The following CNTN5 variants were observed in gnomAD, a reference collection of about 807,000 sequenced individuals.
CNTN5 encodes contactin 5, also known as contactin-5.
In CNTN5, 77 loss-of-function variants were observed where a neutral mutation model predicts 129.1. The ratio of observed to expected loss-of-function variants is 0.60; its 90% CI spans 0.50 to 0.72. The LOEUF is 0.72. Ranked by LOEUF, CNTN5 falls within the 30% of genes least tolerant of loss-of-function variation. The pLI is 0.00. For synonymous variants in CNTN5, 509 were observed against 465.6 expected (o/e 1.09, Z -1.20); for missense variants, 1,478 against 1,328.8 (o/e 1.11, Z -1.75).
intron 1 of CNTN5, among the ~76,000 whole-genome samples, chr11:99,306,154 C>T (rs1864865940): frequency 6.6e-6 from 1 of 152,008 alleles, no homozygotes; most frequent in Non-Finnish European, 1.5e-5. Flanking sequence ...GAGAGCTGTC[C>T]TTTAGGACTT....
chr11:100,244,790 A>G (rs10894657), intron 16 of CNTN5, among the ~76,000 whole-genome samples: 33,188 of 152,032 alleles, frequency 0.22, 4,456 homozygotes, highest in East Asian at 0.63. Flanking sequence ...ATTTTACTGC[A>G]TATTTTGTTT....
At chr11:100,250,976 C>G (rs192350825) in intron 16 of CNTN5, among the ~76,000 whole-genome samples, 1 of 152,174 alleles carries the variant, frequency 6.6e-6, no homozygotes, top group African/African-American at 2.4e-5. Context: ...GGGAATGAAA[C>G]AGAATAAATG....
intron 2 of CNTN5, among the ~76,000 whole-genome samples, chr11:99,424,644 G>C (rs945101586): frequency 6.6e-6 from 1 of 152,250 alleles, no homozygotes; most frequent in Non-Finnish European, 1.5e-5. Flanking sequence ...CCACAAGCTT[G>C]GAGATGCCAG....
chr11:99,432,409 C>T (rs1264015191), intron 2 of CNTN5, among the ~76,000 whole-genome samples: 2 of 151,808 alleles, frequency 1.3e-5, no homozygotes, highest in Non-Finnish European at 2.9e-5. Flanking sequence ...AGTTGGGGCT[C>T]TGTTTCTTTC....
At chr11:99,201,064 G>A (rs1042693522) in intron 1 of CNTN5, among the ~76,000 whole-genome samples, 17 of 107,078 alleles carry the variant, frequency 1.6e-4, no homozygotes, top group Admixed American at 4.5e-4. Flanking sequence ...TTGACCTGTC[G>A]CCCAGGCTGG....
intron 2 of CNTN5, among the ~76,000 whole-genome samples, chr11:99,462,438 A>G (rs1944749997): frequency 7.0e-6 from 1 of 142,904 alleles, no homozygotes; most frequent in Non-Finnish European, 1.5e-5. Flanking sequence ...TCAATTGTTT[A>G]AGTGTCATGA....
Position 99,668,964 on chromosome 11 carries a change from A to G in CNTN5, c.55+112695A>G, listed in dbSNP as rs186333922. ...ACTTTAAAATGCTCCAACTGGGGGG[A>G]AAAGCTGATTTTCTATCACCACAAG... On this transcript the variant is annotated intron_variant, in intron 3 of 24. Coordinates refer to ENST00000524871, the MANE Select transcript of CNTN5 (RefSeq NM_014361.4). Among the ~76,000 whole-genome samples the G allele has an allele frequency of 2.1e-3, 325 of 152,088 alleles. 4 individuals carry two copies. The highest frequency in any genetic ancestry group is 3.8e-3 in the Non-Finnish European group (257 of 67,968).
intron 16 of CNTN5, among the ~76,000 whole-genome samples, chr11:100,234,268 G>T (rs538698997): frequency 0.013 from 1,991 of 152,146 alleles, 18 homozygotes; most frequent in Non-Finnish European, 0.02. Flanking sequence ...CAGAAATACC[G>T]TTTGACCCAG....
At chr11:100,282,329 T>A (rs1950658421) in intron 18 of CNTN5, among the ~76,000 whole-genome samples, 1 of 152,248 alleles carries the variant, frequency 6.6e-6, no homozygotes, top group African/African-American at 2.4e-5. Context: ...ATGTAGTTCT[T>A]GGAGACTAGT....
At chr11:99,684,628 C>T (rs1953706181) in intron 3 of CNTN5, among the ~76,000 whole-genome samples, 2 of 151,890 alleles carry the variant, frequency 1.3e-5, no homozygotes, top group South Asian at 4.1e-4. Context: ...AAAACTTTTA[C>T]ATTCCCAGAT....
intron 3 of CNTN5, among the ~76,000 whole-genome samples, chr11:99,729,859 G>A (rs1943471161): frequency 6.6e-6 from 1 of 152,104 alleles, no homozygotes; most frequent in Admixed American, 6.6e-5. Flanking sequence ...GAGAACACAT[G>A]GACACGGGGA....
chr11:99,809,818 G>C (rs1306752917), intron 3 of CNTN5, among the ~76,000 whole-genome samples: 1 of 152,010 alleles, frequency 6.6e-6, no homozygotes, highest in East Asian at 1.9e-4. Flanking sequence ...ATAAAATACT[G>C]TCTGATCTAT....
intron 3 of CNTN5, among the ~76,000 whole-genome samples, chr11:99,685,120 A>G (rs902691484): frequency 9.2e-5 from 14 of 151,412 alleles, no homozygotes; most frequent in African/African-American, 3.1e-4. Context: ...CATAATTTCA[A>G]TTTTTTTCCA....
intron 3 of CNTN5, among the ~76,000 whole-genome samples, chr11:99,627,500 C>T (rs1462997245): frequency 2.0e-5 from 3 of 152,018 alleles, no homozygotes; most frequent in Non-Finnish European, 4.4e-5. Context: ...AACCTCAGTT[C>T]CTGCTACAAG....
intron 3 of CNTN5, among the ~76,000 whole-genome samples, chr11:99,583,927 G>A (rs1194263722): frequency 1.3e-4 from 20 of 152,130 alleles, no homozygotes. Context: ...CAAGCTGGGA[G>A]CTGTAGACTG....
At chr11:100,122,253 C>T (rs952752593) in intron 13 of CNTN5, among the ~76,000 whole-genome samples, 2 of 151,766 alleles carry the variant, frequency 1.3e-5, no homozygotes, top group African/African-American at 4.8e-5. Context: ...TCTTGGAGTC[C>T]CAAGGTCAAA....
At chr11:99,705,478 C>G (rs1250774807) in intron 3 of CNTN5, among the ~76,000 whole-genome samples, 1 of 151,360 alleles carries the variant, frequency 6.6e-6, no homozygotes, top group Non-Finnish European at 1.5e-5. Flanking sequence ...TGTGTATACT[C>G]AAATTCTTAC....
chr11:99,699,641 T>G (rs1474318136), intron 3 of CNTN5, among the ~76,000 whole-genome samples: 1 of 151,474 alleles, frequency 6.6e-6, no homozygotes, highest in Non-Finnish European at 1.5e-5. Flanking sequence ...ATTGTTAAAA[T>G]TACTCACTTT....
intron 3 of CNTN5, among the ~76,000 whole-genome samples, chr11:99,654,391 T>G (rs1366985818): frequency 6.6e-6 from 1 of 151,916 alleles, no homozygotes; most frequent in Admixed American, 6.6e-5. Context: ...TTCTTAGAGG[T>G]TTAGCGTGGA....
Sources: gnomAD v4.1 joint callset for allele counts (sites outside exome capture counted in the v4.1 genomes callset) on GRCh38, gnomAD v4.1.1 for gene constraint, MANE v1.5 for transcripts, NCBI Gene and HGNC (gene_info 2026-07-23, HGNC 2026-07-21) for gene names.